CCDC171: variants seen among roughly 807,000 people sequenced by gnomAD.
CCDC171 encodes the protein coiled-coil domain-containing protein 171.
Under a neutral mutation model 168.2 loss-of-function variants are expected in CCDC171, and 177 were observed. That is an observed-to-expected ratio of 1.05 (90% confidence interval 0.93 to 1.19). The LOEUF (loss-of-function observed/expected upper bound fraction) is 1.19, where lower values mean the gene tolerates loss of function less well. CCDC171 is among the 50% of genes most tolerant of loss of function. The probability of loss-of-function intolerance (pLI) is 0.00; values close to 1 mark genes in which losing one functional copy is unlikely to be tolerated. For missense variants in CCDC171, 1,991 were observed against 1,539.0 expected (o/e 1.29, Z -4.91); for synonymous variants, 687 against 540.8 (o/e 1.27, Z -3.75).
Position 15,793,150 on chromosome 9 carries a change from CA to C in CCDC171, c.3267+8463del, listed in dbSNP as rs576599073. 3.6e-4 allele frequency among the ~76,000 whole-genome samples: 54 copies of C among 151,140 alleles called. No individual in the cohort carries two copies. The East Asian group carries it at 9.5e-3, about 27-fold the overall frequency. On this transcript the variant is annotated intron_variant, in intron 21 of 25. Coordinates refer to ENST00000380701, the MANE Select transcript of CCDC171 (RefSeq NM_173550.4). ...GAAGATCTACCAAGCAAATGGAAAA[CA>C]AAAAAAGGCAGGGGTTGCAATCCTA...
At chr9:15,704,891 G>A (rs1023379272) in intron 11 of CCDC171, among the ~76,000 whole-genome samples, 2 of 151,976 alleles carry the variant, frequency 1.3e-5, no homozygotes, top group Non-Finnish European at 2.9e-5. Flanking sequence ...GACTAATGGG[G>A]TCTCTCTGCT....
intron 1 of CCDC171, among the ~76,000 whole-genome samples, chr9:16,057,917 A>C (rs931936903): frequency 1.3e-5 from 2 of 152,182 alleles, no homozygotes; most frequent in Admixed American, 1.3e-4. Context: ...GTTTGCTGTG[A>C]GCAGCAGGCA....
chr9:15,670,342 A>AACGGG (rs2049024956), intron 9 of CCDC171, among the ~76,000 whole-genome samples: 1 of 152,184 alleles, frequency 6.6e-6, no homozygotes, highest in African/African-American at 2.4e-5. Flanking sequence ...AGCAGTTTTT[A>AACGGG]ACTAAAATCT....
Position 15,744,610 on chromosome 9 carries a change from G to A in CCDC171, c.2387G>A (p.Gly796Glu). The change falls in exon 17 of 26, where the codon GGA becomes GAA. Residue 796 changes from glycine (G) to glutamate (E), a missense_variant. Gly to Glu is a moderately conservative substitution (Grantham distance 98, BLOSUM62 -2). Coordinates refer to ENST00000380701, the MANE Select transcript of CCDC171 (RefSeq NM_173550.4). ...EAKMKKKTFK[G>E]LIRIFRKGVI... ...AAGATGAAAAAGAAAACATTCAAAG[G>A]ATTGATACGTATATTTCGGAAAGGT... 1 of 1,614,114 alleles carries A rather than the reference G, an allele frequency of 6.2e-7. No homozygotes were observed. The highest frequency in any genetic ancestry group is 8.5e-7 in the Non-Finnish European group (1 of 1,180,006).
intron 8 of CCDC171, among the ~76,000 whole-genome samples, chr9:15,660,711 C>A (rs2048248993): frequency 6.6e-6 from 1 of 152,126 alleles, no homozygotes; most frequent in Non-Finnish European, 1.5e-5. Context: ...TTTTCTTTAT[C>A]CAATCCATCA....
In CCDC171 at chr9:15,678,818, G is replaced by A. The variant is rs543500235; in HGVS notation, c.1137G>A (p.Lys379=). The A allele has an allele frequency of 7.5e-6, 12 of 1,595,656 alleles. No homozygotes were observed. The Admixed American group carries it at 1.8e-4, about 24-fold the overall frequency. ...KKLNEDIEEQ[K]KVIIDLSKRL... ...TAAATGAAGACATCGAGGAACAGAAGAAAGTAATTATAGACCTTTCAAAGA... is the reference window on the plus strand; with the variant it reads ...TAAATGAAGACATCGAGGAACAGAAAAAAGTAATTATAGACCTTTCAAAGA... Residue 379 remains lysine, a synonymous_variant, in exon 10 of 26, where the codon AAG becomes AAA. Transcript: ENST00000380701.
chr9:15,686,502 G>A (rs528544247), intron 10 of CCDC171, among the ~76,000 whole-genome samples: 17 of 151,664 alleles, frequency 1.1e-4, no homozygotes, highest in African/African-American at 4.1e-4. Flanking sequence ...GCAACAGAGT[G>A]AGACTCCATC....
chr9:15,634,233 T>C (rs1356972670), intron 7 of CCDC171, among the ~76,000 whole-genome samples: 1 of 152,060 alleles, frequency 6.6e-6, no homozygotes, highest in East Asian at 1.9e-4. Context: ...TAATTTAAAT[T>C]TTTTTTAACT....
At chr9:15,837,525 A>G (rs1366615804) in intron 21 of CCDC171, among the ~76,000 whole-genome samples, 2 of 152,188 alleles carry the variant, frequency 1.3e-5, no homozygotes, top group Non-Finnish European at 2.9e-5. Flanking sequence ...CAGAATATAT[A>G]TTTTTCAACT....
At chr9:15,765,960 C>G (rs564559618) in intron 18 of CCDC171, among the ~76,000 whole-genome samples, 1 of 152,064 alleles carries the variant, frequency 6.6e-6, no homozygotes, top group Non-Finnish European at 1.5e-5. Flanking sequence ...AACGAACAGC[C>G]TCGGAAAATA....
intron 16 of CCDC171, among the ~76,000 whole-genome samples, chr9:15,739,526 A>G (rs1392198465): frequency 4.6e-5 from 7 of 152,188 alleles, no homozygotes. Context: ...TTTTATTATC[A>G]GTAAAACTGT....
intron 8 of CCDC171, among the ~76,000 whole-genome samples, chr9:15,661,644 C>G (rs1410163301): frequency 6.6e-6 from 1 of 152,180 alleles, no homozygotes; most frequent in Non-Finnish European, 1.5e-5. Context: ...TAATCACCAT[C>G]TTATAAACTA....
intron 21 of CCDC171, among the ~76,000 whole-genome samples, chr9:15,829,224 A>C (rs1050024036): frequency 6.6e-6 from 1 of 152,190 alleles, no homozygotes; most frequent in South Asian, 2.1e-4. Context: ...CTGTATTTCA[A>C]TCTATTGGCT....
intron 11 of CCDC171, among the ~76,000 whole-genome samples, chr9:15,698,349 G>T (rs1001775741): frequency 6.6e-6 from 1 of 151,914 alleles, no homozygotes; most frequent in South Asian, 2.1e-4. Flanking sequence ...GTGAAACACC[G>T]TCTCTACTAA....
chr9:15,941,945 A>T (rs1233268334), intron 25 of CCDC171, among the ~76,000 whole-genome samples: 1 of 151,890 alleles, frequency 6.6e-6, no homozygotes, highest in Non-Finnish European at 1.5e-5. Context: ...ATGTTCAGCC[A>T]CATTTGAATT....
At chr9:15,955,124 G>A (rs557662494) in intron 25 of CCDC171, among the ~76,000 whole-genome samples, 3 of 152,114 alleles carry the variant, frequency 2.0e-5, no homozygotes, top group South Asian at 2.1e-4. Flanking sequence ...GTAGCTATCT[G>A]TGTGTCAAGG....
chr9:15,575,197 G>T (rs963793273), intron 3 of CCDC171, among the ~76,000 whole-genome samples: 1 of 124,310 alleles, frequency 8.0e-6, no homozygotes, highest in Non-Finnish European at 1.6e-5. Context: ...ACAGGGTCTC[G>T]CTCTGTCACC....
In CCDC171 at chr9:15,819,575, G is replaced by A. The variant is rs1437182156; in HGVS notation, c.3268-27127G>A. Among the ~76,000 whole-genome samples, 2 of 116,648 alleles carry A rather than the reference G, an allele frequency of 1.7e-5. 1 individual carries two copies. Among genetic ancestry groups the A allele is most frequent in the Non-Finnish European group, 3.8e-5 (2 of 52,112 alleles). The allele number at this position is 116,648 out of a possible 152,430, so 76.5% of individuals were successfully genotyped here. A position where few individuals can be genotyped will look rare whatever the true frequency, so the allele number is the denominator to read the frequency against. On this transcript the variant is annotated intron_variant, in intron 21 of 25. Transcript: ENST00000380701. ...ATAAAACACACTTTAAACCAACAAA[G>A]ATGAAAAGAGACAAAGAAGGCCATT...
At chr9:15,588,192 G>A (rs987840498) in intron 4 of CCDC171, among the ~76,000 whole-genome samples, 3 of 152,078 alleles carry the variant, frequency 2.0e-5, no homozygotes, top group African/African-American at 2.4e-5. Flanking sequence ...CCGAGATTGC[G>A]CCACTGTACT....
Sources: gnomAD v4.1 joint callset for allele counts (sites outside exome capture counted in the v4.1 genomes callset) on GRCh38, gnomAD v4.1.1 for gene constraint, MANE v1.5 for transcripts, NCBI Gene and HGNC (gene_info 2026-07-23, HGNC 2026-07-21) for gene names.